Variants in PCDHGB7 observed in about 807,000 individuals in gnomAD.
PCDHGB7 encodes protocadherin gamma subfamily B, 7.
PCDHGB7 carries 37 observed loss-of-function variants against 61.4 expected under a neutral mutation model. That is an observed-to-expected ratio of 0.60 (90% confidence interval 0.46 to 0.79). The LOEUF is 0.79. Ranked by LOEUF, PCDHGB7 falls within the 30% of genes least tolerant of loss-of-function variation. The pLI is 0.00. For synonymous variants in PCDHGB7, 464 were observed against 503.5 expected, an observed-to-expected ratio of 0.92 and a Z score of 1.05; for missense variants, 1,166 against 1,202.5, an observed-to-expected ratio of 0.97 and a Z score of 0.45.
intron 2 of PCDHGB7, among the ~76,000 whole-genome samples, chr5:141,496,467 TC>T (rs1289225541): frequency 1.3e-5 from 2 of 152,176 alleles, no homozygotes; most frequent in Admixed American, 1.3e-4. Flanking sequence ...GAGTTATCTT[TC>T]CCCCATCCTG....
At chr5:141,424,092 C>G (rs1160250641) in intron 1 of PCDHGB7, 2 of 879,256 alleles carry the variant, frequency 2.3e-6, no homozygotes, top group Non-Finnish European at 2.8e-6. Context: ...CCATTATTTG[C>G]TATTACTGCT....
At chr5:141,469,142 G>A (rs1473440049) in intron 1 of PCDHGB7, among the ~76,000 whole-genome samples, 3 of 152,024 alleles carry the variant, frequency 2.0e-5, no homozygotes, top group East Asian at 1.9e-4. Flanking sequence ...CAGAAATGGT[G>A]GCACATGTCT....
chr5:141,418,409 G>T lies in PCDHGB7; in HGVS notation c.550G>T (p.Asp184Tyr). The change falls in exon 1 of 4, where the codon GAC becomes TAC. Residue 184 changes from aspartate to tyrosine, a missense_variant. Physicochemically the swap from Asp to Tyr is radical, Grantham distance 160 (BLOSUM62 -3). Transcript: ENST00000398594. ...CGAGTATTTCTCATTGGTGGAGAAA[G>T]ACAATCCTGATGGTGGCAAATATCC... ...PNEYFSLVEK[D>Y]NPDGGKYPEL... is the part of the protein sequence containing the mutation. 6.2e-7 allele frequency: 1 copy of T among 1,613,910 alleles called. No individual in the cohort carries two copies. The highest frequency in any genetic ancestry group is 8.5e-7 in the Non-Finnish European group (1 of 1,179,804).
Position 141,431,432 on chromosome 5 carries a change from AC to A in PCDHGB7, c.2415+11160del. 2 of 1,613,692 alleles carry A rather than the reference AC, an allele frequency of 1.2e-6. No individual in the cohort carries two copies. Among genetic ancestry groups the A allele is most frequent in the Non-Finnish European group, 1.7e-6 (2 of 1,180,026 alleles). On this transcript the variant is annotated intron_variant, in intron 1 of 3. Transcript: ENST00000398594. The surrounding 1 kb of genome is among the most constrained non-coding windows in gnomAD (Gnocchi z 4.8). ...CGGGGGCGACCCGGTGCGCACAGGC[AC>A]CGCGCGCATCCGCGTGATGGTTCTG... is the stretch of plus-strand genomic sequence containing the variant.
chr5:141,485,274 C>T lies in PCDHGB7; in HGVS notation c.2416-9533C>T. On this transcript the variant is annotated intron_variant, in intron 1 of 3. Transcript: ENST00000398594. The surrounding 1 kb of genome is among the most constrained non-coding windows in gnomAD (Gnocchi z 5.7). Reference sequence around the variant, plus strand: ...TACGTTTGTGGGCAGATCCGCTACCCGGTCCCAGAGGAGTCACAGGAAGGG... The same window carrying T: ...TACGTTTGTGGGCAGATCCGCTACCTGGTCCCAGAGGAGTCACAGGAAGGG... The T allele has an allele frequency of 6.2e-7, 1 of 1,614,106 alleles. No individual in the cohort carries two copies. Among genetic ancestry groups the T allele is most frequent in the South Asian group, 1.1e-5 (1 of 91,086 alleles).
At chr5:141,506,252 C>T (rs1158047426) in intron 3 of PCDHGB7, among the ~76,000 whole-genome samples, 1 of 151,968 alleles carries the variant, frequency 6.6e-6, no homozygotes, top group African/African-American at 2.4e-5. Flanking sequence ...AGTTCGAAAC[C>T]GGCCTGGCCA....
intron 1 of PCDHGB7, among the ~76,000 whole-genome samples, chr5:141,492,108 C>T (rs1331001233): frequency 2.6e-5 from 4 of 152,232 alleles, no homozygotes; most frequent in African/African-American, 9.6e-5. Flanking sequence ...TAGATTTCCT[C>T]TTCGATTTCT....
intron 1 of PCDHGB7, chr5:141,433,358 C>CCTATCTATCTATCTATCTATCTAT: frequency 9.9e-6 from 5 of 503,368 alleles, no homozygotes; most frequent in South Asian, 2.6e-5. Flanking sequence ...CTACTGTCTG[C>CCTATCTATCTATCTATCTATCTAT]CTATCTATCT....
At chr5:141,498,971 G>GGGAGGGAAGGAAGGAAGGAA (rs2099787588) in intron 2 of PCDHGB7, among the ~76,000 whole-genome samples, 11 of 111,048 alleles carry the variant, frequency 9.9e-5, no homozygotes, top group African/African-American at 3.2e-4. Context: ...GAGGGAGGGA[G>GGGAGGGAAGGAAGGAAGGAA]GGAAGGAAGG....
intron 2 of PCDHGB7, among the ~76,000 whole-genome samples, chr5:141,495,662 C>G (rs545912968): frequency 6.6e-6 from 1 of 152,138 alleles, no homozygotes; most frequent in Admixed American, 6.6e-5. Flanking sequence ...TGATCTGTGC[C>G]GCCCACTGTG....
At position 141,485,122 on chromosome 5, in the gene PCDHGB7, G is replaced by C. The variant is rs1000179570; in HGVS notation, c.2416-9685G>C. The stretch of plus-strand genomic sequence containing the variant: ...CAGCTGCTGTGGCTGTTTGGGGCGG[G>C]TCGGCTTCATCCGCGTCTCAGGAGC... On this transcript the variant is annotated intron_variant, in intron 1 of 3. Transcript: ENST00000398594. This position sits in a 1 kb window ranked among gnomAD's most constrained non-coding sequence, Gnocchi z 5.7. The C allele has an allele frequency of 4.3e-6, 6 of 1,387,506 alleles. No individual in the cohort carries two copies. In the African/African-American group the frequency reaches 8.5e-5, roughly 20 times the overall value. The allele number at this position is 1,387,506 out of a possible 1,614,324, so 85.9% of individuals were successfully genotyped here. A position where few individuals can be genotyped will look rare whatever the true frequency, so the allele number is the denominator to read the frequency against.
At chr5:141,452,831 G>A (rs1184490491) in intron 1 of PCDHGB7, among the ~76,000 whole-genome samples, 1 of 152,104 alleles carries the variant, frequency 6.6e-6, no homozygotes, top group Non-Finnish European at 1.5e-5. Flanking sequence ...AAAATCACTT[G>A]GTCCAGCCCA....
intron 1 of PCDHGB7, chr5:141,422,768 T>C: frequency 6.2e-7 from 1 of 1,613,824 alleles, no homozygotes. Context: ...AACACTGGTG[T>C]TCTCTATGCC....
chr5:141,459,090 A>G (rs769066156), intron 1 of PCDHGB7, among the ~76,000 whole-genome samples: 4 of 152,218 alleles, frequency 2.6e-5, no homozygotes, highest in Non-Finnish European at 4.4e-5. Flanking sequence ...TTAAAATTAT[A>G]CAGTGCAATG....
intron 1 of PCDHGB7, among the ~76,000 whole-genome samples, chr5:141,481,869 G>A (rs909237712): frequency 4.1e-5 from 6 of 146,780 alleles, no homozygotes; most frequent in East Asian, 2.0e-4. Flanking sequence ...AGCCGAGATC[G>A]CGCCACTGCA....
intron 1 of PCDHGB7, among the ~76,000 whole-genome samples, chr5:141,461,151 C>A (rs1424467673): frequency 6.6e-6 from 1 of 152,022 alleles, no homozygotes; most frequent in African/African-American, 2.4e-5. Context: ...TGGGTAGATA[C>A]CCAATAGTGG....
intron 1 of PCDHGB7, chr5:141,423,860 G>A: frequency 7.8e-7 from 1 of 1,283,074 alleles, no homozygotes; most frequent in Non-Finnish European, 9.9e-7. Context: ...ACGTTTTTGT[G>A]AAAGTCATTT....
At chr5:141,451,653 G>A (rs1440576814) in intron 1 of PCDHGB7, among the ~76,000 whole-genome samples, 2 of 152,166 alleles carry the variant, frequency 1.3e-5, no homozygotes, top group Non-Finnish European at 2.9e-5. Context: ...AGGCCAAGGA[G>A]GGTGGACTGC....
At position 141,491,539 on chromosome 5, in the gene PCDHGB7, A is replaced by G; in HGVS notation, c.2416-3268A>G. ...GTACATGGAGGTGACGCTGCGGCCC[A>G]CAGACTCGCAGAGCCACTGCTACAG... On this transcript the variant is annotated intron_variant, in intron 1 of 3. Coordinates refer to ENST00000398594, the MANE Select transcript of PCDHGB7 (RefSeq NM_018927.4). This position sits in a 1 kb window ranked among gnomAD's most constrained non-coding sequence, Gnocchi z 6.9. The G allele has an allele frequency of 6.2e-7, 1 of 1,613,968 alleles. No homozygotes were observed. The highest frequency in any genetic ancestry group is 1.1e-5 in the South Asian group (1 of 91,074).
Sources: gnomAD v4.1 joint callset for allele counts (sites outside exome capture counted in the v4.1 genomes callset) on GRCh38, gnomAD v4.1.1 for gene constraint, Gnocchi (gnomAD v3.1) non-coding constraint, MANE v1.5 for transcripts, NCBI Gene and HGNC (gene_info 2026-07-23, HGNC 2026-07-21) for gene names.